Variants in TMEM232 observed in about 807,000 individuals in gnomAD.
TMEM232 encodes the protein transmembrane protein 232.
A neutral mutation model predicts 78.8 loss-of-function variants in TMEM232; 80 were observed. That is an observed-to-expected ratio of 1.01 (90% CI 0.85 to 1.22). The LOEUF (loss-of-function observed/expected upper bound fraction) is 1.22, where lower values mean the gene tolerates loss of function less well. Among genes scored for constraint, TMEM232 ranks in the 50% most tolerant of loss-of-function variants. TMEM232 has a pLI of 0.00. For missense variants in TMEM232, 881 were observed against 742.2 expected (o/e 1.19, Z -2.17); for synonymous variants, 297 against 254.3 (o/e 1.17, Z -1.60).
chr5:110,493,041 T>G (rs879419334), intron 12 of TMEM232, among the ~76,000 whole-genome samples: 5 of 151,882 alleles, frequency 3.3e-5, no homozygotes, highest in Non-Finnish European at 7.4e-5. Flanking sequence ...TTCTCTACTT[T>G]TCTACCTGTC....
intron 12 of TMEM232, among the ~76,000 whole-genome samples, chr5:110,521,709 CTTCT>C (rs1191593097): frequency 2.0e-5 from 3 of 152,064 alleles, no homozygotes; most frequent in African/African-American, 7.2e-5. Flanking sequence ...TGAAGAGAAT[CTTCT>C]TTCTCTGTTA....
chr5:110,432,523 A>C (rs1319779588), intron 12 of TMEM232, among the ~76,000 whole-genome samples: 5 of 151,688 alleles, frequency 3.3e-5, no homozygotes, highest in African/African-American at 4.8e-5. Context: ...CTCCCACAAA[A>C]GCACATGCAA....
At chr5:110,509,858 T>C (rs758751891) in intron 12 of TMEM232, among the ~76,000 whole-genome samples, 1 of 152,172 alleles carries the variant, frequency 6.6e-6, no homozygotes, top group African/African-American at 2.4e-5. Context: ...TTATCTGTCC[T>C]TGAAATCAAC....
chr5:110,405,185 A>T (rs1233029250), intron 2 of TMEM232, among the ~76,000 whole-genome samples: 3 of 152,128 alleles, frequency 2.0e-5, no homozygotes, highest in Admixed American at 1.3e-4. Context: ...ATACTGAAAA[A>T]ATGAAGCAGG....
At position 110,687,084 on chromosome 5, in the gene TMEM232, T is replaced by C. The variant is rs373456731; in HGVS notation, c.-12-19720A>G. ...CTCTGTCCTAGATTAATACAATAACTGCTTATCTACCATTCTCCTTCTGAC... is the reference window on the plus strand; with the variant it reads ...CTCTGTCCTAGATTAATACAATAACCGCTTATCTACCATTCTCCTTCTGAC... On this transcript the variant is annotated intron_variant, in intron 1 of 13. Coordinates refer to ENST00000455884, the MANE Select transcript of TMEM232 (RefSeq NM_001039763.4). Among the ~76,000 whole-genome samples the C allele has an allele frequency of 7.2e-5, 11 of 152,276 alleles. No individual in the cohort carries two copies. In the East Asian group the frequency reaches 1.5e-3, roughly 21 times the overall value.
intron 12 of TMEM232, among the ~76,000 whole-genome samples, chr5:110,466,354 A>AAATT (rs1200158804): frequency 1.3e-5 from 2 of 152,216 alleles, no homozygotes; most frequent in African/African-American, 2.4e-5. Context: ...TCCATGGAGG[A>AAATT]AATTATTTTT....
At chr5:110,480,666 G>T (rs1334987680) in intron 12 of TMEM232, among the ~76,000 whole-genome samples, 1 of 152,018 alleles carries the variant, frequency 6.6e-6, no homozygotes, top group Admixed American at 6.6e-5. Flanking sequence ...TATTGCTCAA[G>T]ATGCAAAAAT....
At chr5:110,396,796 T>C (rs891773967) in intron 3 of TMEM232, among the ~76,000 whole-genome samples, 3 of 152,192 alleles carry the variant, frequency 2.0e-5, no homozygotes, top group Non-Finnish European at 4.4e-5. Context: ...TAGCCAGAGT[T>C]ACATAGTTAA....
chr5:110,682,188 T>C (rs1464292660), intron 1 of TMEM232, among the ~76,000 whole-genome samples: 3 of 152,166 alleles, frequency 2.0e-5, no homozygotes, highest in African/African-American at 4.8e-5. Context: ...AAGGAAATAA[T>C]AGCTTTAAGT....
intron 12 of TMEM232, among the ~76,000 whole-genome samples, chr5:110,508,963 T>C (rs1767330703): frequency 7.0e-6 from 1 of 141,932 alleles, no homozygotes; most frequent in African/African-American, 2.7e-5. Flanking sequence ...TATGTGTATA[T>C]ATGTATATAT....
intron 13 of TMEM232, among the ~76,000 whole-genome samples, chr5:110,422,412 C>CG (rs1324702955): frequency 3.4e-5 from 5 of 145,246 alleles, no homozygotes; most frequent in African/African-American, 1.3e-4. Context: ...CCCAGCTACT[C>CG]GGGAGGCTGA....
intron 4 of TMEM232, among the ~76,000 whole-genome samples, chr5:110,389,387 T>A (rs752673476): frequency 1.3e-5 from 2 of 151,960 alleles, no homozygotes; most frequent in Non-Finnish European, 2.9e-5. Flanking sequence ...AACAGATAGA[T>A]TGGGGTTGCA....
intron 2 of TMEM232, among the ~76,000 whole-genome samples, chr5:110,665,906 A>C (rs980598202): frequency 2.6e-5 from 4 of 151,588 alleles, no homozygotes; most frequent in African/African-American, 4.8e-5. Flanking sequence ...AAAAAAAAAA[A>C]AAAAAACTAA....
intron 1 of TMEM232, among the ~76,000 whole-genome samples, chr5:110,687,300 T>G (rs1159478964): frequency 6.6e-6 from 1 of 152,252 alleles, no homozygotes; most frequent in East Asian, 1.9e-4. Flanking sequence ...AAAACCCACG[T>G]GTAACTGCTG....
chr5:110,615,284 C>A (rs1407262892), intron 8 of TMEM232, among the ~76,000 whole-genome samples: 1 of 151,892 alleles, frequency 6.6e-6, no homozygotes, highest in Non-Finnish European at 1.5e-5. Flanking sequence ...TATACAAAGG[C>A]CTTTGGTGTA....
At chr5:110,644,386 T>C (rs1036649264) in intron 2 of TMEM232, among the ~76,000 whole-genome samples, 2 of 151,924 alleles carry the variant, frequency 1.3e-5, no homozygotes, top group Non-Finnish European at 2.9e-5. Flanking sequence ...GAATTATGTT[T>C]TTAAAAATAT....
At chr5:110,508,830 T>A (rs2149462981) in intron 12 of TMEM232, among the ~76,000 whole-genome samples, 1 of 143,896 alleles carries the variant, frequency 6.9e-6, no homozygotes, top group South Asian at 2.1e-4. Context: ...ACAATGCCAC[T>A]GCTAATTATA....
rs150990547 is a variant in TMEM232 at position 110,659,993 on chromosome 5, T to C, written c.125+7235A>G. 7.9e-4 allele frequency among the ~76,000 whole-genome samples: 120 copies of C among 152,206 alleles called. 1 individual carries two copies. The East Asian group carries it at 0.019, about 24-fold the overall frequency. On this transcript the variant is annotated intron_variant, in intron 2 of 13. Coordinates refer to ENST00000455884, the MANE Select transcript of TMEM232 (RefSeq NM_001039763.4). ...GGAGAGAAAAGAAAAAAAGGGGTTGTCAATGCAATATATGTATAAATAATA... is the reference window on the plus strand; with the variant it reads ...GGAGAGAAAAGAAAAAAAGGGGTTGCCAATGCAATATATGTATAAATAATA...
Position 110,605,346 on chromosome 5 carries a change from T to G in TMEM232, c.1039A>C (p.Lys347Gln). The G allele has an allele frequency of 6.5e-7, 1 of 1,539,514 alleles. No individual in the cohort carries two copies. Among genetic ancestry groups the G allele is most frequent in the South Asian group, 1.2e-5 (1 of 81,438 alleles). Residue 347 changes from lysine to glutamine, a missense_variant, in exon 10 of 14, where the codon AAG becomes CAG. Coordinates refer to ENST00000455884, the MANE Select transcript of TMEM232 (RefSeq NM_001039763.4). ...CAGGCCCAGGAAAAATCATCTACCTTGCAACTTTCTTCCTGAAATGAGAAA... is the reference window on the plus strand; with the variant it reads ...CAGGCCCAGGAAAAATCATCTACCTGGCAACTTTCTTCCTGAAATGAGAAA... ...MSVQNQEESC[K>Q]VDDFSWAWNV...
Sources: allele counts gnomAD v4.1 joint callset (sites outside exome capture counted in the v4.1 genomes callset), GRCh38; gene constraint gnomAD v4.1.1; transcripts MANE v1.5; gene names NCBI Gene and HGNC (gene_info 2026-07-23, HGNC 2026-07-21).